The following NEBL variants were observed in gnomAD, a reference collection of about 807,000 sequenced individuals.
The protein encoded by NEBL is LIM and SH3 protein 2.
A neutral mutation model predicts 140.2 loss-of-function variants in NEBL; 122 were observed. The observed-to-expected ratio is 0.87, with a 90% CI of 0.75 to 1.01. The LOEUF (loss-of-function observed/expected upper bound fraction) is 1.01. NEBL is among the 50% of genes least tolerant of loss of function. The probability of loss-of-function intolerance (pLI) is 0.00; values close to 1 mark genes in which losing one functional copy is unlikely to be tolerated. For missense variants in NEBL, 1,365 were observed against 1,231.3 expected (o/e 1.11, Z -1.62); for synonymous variants, 436 against 398.9 (o/e 1.09, Z -1.11).
chr10:21,247,611 A>C (rs902948974), intron 3 of NEBL: 1 of 152,272 alleles, frequency 6.6e-6, no homozygotes, highest in South Asian at 2.1e-4. Flanking sequence ...ATCTGTTCCC[A>C]TTAAGCAATA....
intron 2 of NEBL, among the ~76,000 whole-genome samples, chr10:21,113,736 C>G (rs1838155460): frequency 6.6e-6 from 1 of 151,980 alleles, no homozygotes; most frequent in Non-Finnish European, 1.5e-5. Flanking sequence ...ACATTCCATA[C>G]ATGCTTAAAG....
chr10:20,808,734 A>C, intron 25 of NEBL, 75 bp from the exon 26 acceptor site: 4 of 1,455,034 alleles, frequency 2.7e-6, no homozygotes, highest in Non-Finnish European at 3.8e-6. Flanking sequence ...ATTACTTAAA[A>C]GCTTAACAGA....
chr10:21,223,567 C>G (rs114689679), intron 3 of NEBL, among the ~76,000 whole-genome samples: 1,525 of 152,302 alleles, frequency 0.01, 27 homozygotes, highest in African/African-American at 0.033. Flanking sequence ...ATACACCTAG[C>G]AGTGCGATTG....
intron 2 of NEBL, among the ~76,000 whole-genome samples, chr10:21,045,828 G>T (rs926893126): frequency 6.6e-6 from 1 of 152,110 alleles, no homozygotes; most frequent in Non-Finnish European, 1.5e-5. Flanking sequence ...ATGTAAAATA[G>T]AATTACTATG....
At chr10:21,237,937 T>C (rs1173276635) in intron 3 of NEBL, among the ~76,000 whole-genome samples, 1 of 152,178 alleles carries the variant, frequency 6.6e-6, no homozygotes, top group Non-Finnish European at 1.5e-5. Flanking sequence ...TCTACCTTAA[T>C]TTATTGTTAG....
intron 18 of NEBL, among the ~76,000 whole-genome samples, chr10:20,824,798 T>A (rs1374719871): frequency 6.6e-6 from 1 of 152,232 alleles, no homozygotes; most frequent in Non-Finnish European, 1.5e-5. Flanking sequence ...TCAAAGGGAC[T>A]CTAATCAAAA....
chr10:20,799,451 C>G (rs1229375412), intron 26 of NEBL, among the ~76,000 whole-genome samples: 1 of 152,180 alleles, frequency 6.6e-6, no homozygotes, highest in Non-Finnish European at 1.5e-5. Context: ...CGGTTCATCA[C>G]AGACATTTAG....
At chr10:21,029,649 T>C in intron 2 of NEBL, 2 of 1,321,530 alleles carry the variant, frequency 1.5e-6, no homozygotes, top group Non-Finnish European at 2.2e-6. Flanking sequence ...GAAGGGGTGA[T>C]GATAGGTTTG....
intron 21 of NEBL, among the ~76,000 whole-genome samples, chr10:20,816,961 G>T (rs994524837): frequency 3.3e-5 from 5 of 152,148 alleles, no homozygotes; most frequent in Admixed American, 1.3e-4. Context: ...ACACATGCTG[G>T]TAGAAAAGGG....
At chr10:21,249,753 A>G (rs1217648838) in intron 2 of NEBL, among the ~76,000 whole-genome samples, 2 of 152,042 alleles carry the variant, frequency 1.3e-5, no homozygotes, top group African/African-American at 4.8e-5. Flanking sequence ...AATTAAATAA[A>G]TAAATAAAAG....
intron 3 of NEBL, among the ~76,000 whole-genome samples, chr10:21,188,658 T>G (rs1482831323): frequency 6.8e-6 from 1 of 147,818 alleles, no homozygotes; most frequent in African/African-American, 2.5e-5. Flanking sequence ...TGGAGTGCAA[T>G]GGCACAATTC....
intron 21 of NEBL, among the ~76,000 whole-genome samples, chr10:20,816,611 G>T (rs982231074): frequency 3.9e-5 from 6 of 152,156 alleles, no homozygotes; most frequent in African/African-American, 1.4e-4. Flanking sequence ...CTGGTAAAAT[G>T]ACTTTAAAGG....
intron 2 of NEBL, among the ~76,000 whole-genome samples, chr10:21,077,273 A>T (rs1836141393): frequency 6.6e-6 from 1 of 152,018 alleles, no homozygotes; most frequent in African/African-American, 2.4e-5. Flanking sequence ...TTTGTTCCTC[A>T]CTCCCTTATA....
At chr10:21,044,405 A>AT in intron 2 of NEBL, among the ~76,000 whole-genome samples, 1 of 145,756 alleles carries the variant, frequency 6.9e-6, no homozygotes, top group Non-Finnish European at 1.5e-5. Context: ...AATAAAAAAA[A>AT]AAAAAAAAAA....
chr10:21,188,733 G>C (rs1384397894), intron 3 of NEBL, among the ~76,000 whole-genome samples: 1 of 151,360 alleles, frequency 6.6e-6, no homozygotes, highest in Non-Finnish European at 1.5e-5. Context: ...CCCGGGTACA[G>C]GCCCCCACAC....
chr10:21,064,128 G>C (rs936995517), intron 2 of NEBL, among the ~76,000 whole-genome samples: 2 of 152,170 alleles, frequency 1.3e-5, no homozygotes, highest in East Asian at 1.9e-4. Context: ...GTTTGATTTT[G>C]TTTTGCTGTG....
chr10:20,815,557 G>T, intron 22 of NEBL, 68 bp downstream of exon 22: 2 of 1,209,104 alleles, frequency 1.7e-6, no homozygotes. Context: ...CACAAGCAAA[G>T]GAGGACCGCA....
chr10:20,878,697 C>T (rs557594209), intron 5 of NEBL, among the ~76,000 whole-genome samples: 28 of 152,306 alleles, frequency 1.8e-4, no homozygotes, highest in African/African-American at 6.3e-4. Context: ...TAGTCTTAAA[C>T]ACTTTCTAAA....
At chr10:20,859,623 G>A in intron 8 of NEBL, 90 bp downstream of exon 8, 1 of 781,366 alleles carries the variant, frequency 1.3e-6, no homozygotes, top group Non-Finnish European at 2.1e-6. Flanking sequence ...TTACTTGGAA[G>A]CTAAGTATCA....
Sources: gnomAD v4.1 joint callset for allele counts (sites outside exome capture counted in the v4.1 genomes callset) on GRCh38, gnomAD v4.1.1 for gene constraint, MANE v1.5 for transcripts, NCBI Gene and HGNC (gene_info 2026-07-23, HGNC 2026-07-21) for gene names.